SGCD: variants seen among roughly 807,000 people sequenced by gnomAD.
SGCD encodes the protein delta-sarcoglycan.
Under a neutral mutation model 36.6 loss-of-function variants are expected in SGCD, and 18 were observed. The observed-to-expected ratio is 0.49, with a 90% confidence interval of 0.34 to 0.73. SGCD has a LOEUF of 0.73. Among genes scored for constraint, SGCD ranks in the 30% least tolerant of loss-of-function variants. The pLI, the probability that SGCD is intolerant of heterozygous loss-of-function variation, is 0.01. For missense variants in SGCD, 387 were observed against 346.7 expected (o/e 1.12, Z -0.92); for synonymous variants, 133 against 130.6 (o/e 1.02, Z -0.12).
chr5:156,714,719 G>A (rs1212182620), intron 7 of SGCD, among the ~76,000 whole-genome samples: 1 of 152,228 alleles, frequency 6.6e-6, no homozygotes, highest in Non-Finnish European at 1.5e-5. Context: ...TGTTAATCCA[G>A]TGAAATTTAG....
At chr5:156,493,492 T>A (rs1028387947) in intron 3 of SGCD, among the ~76,000 whole-genome samples, 3 of 152,162 alleles carry the variant, frequency 2.0e-5, no homozygotes, top group African/African-American at 7.2e-5. Context: ...GGATTTTTAA[T>A]CTTCACTGTT....
the SGCD span, among the ~76,000 whole-genome samples, chr5:155,862,640 T>G: frequency 6.6e-6 from 1 of 152,332 alleles, no homozygotes; most frequent in South Asian, 2.1e-4. Flanking sequence ...CAGCTTTCAC[T>G]TTATTAACTA....
At chr5:155,833,166 A>G in the SGCD span, among the ~76,000 whole-genome samples, 2 of 151,762 alleles carry the variant, frequency 1.3e-5, no homozygotes, top group Non-Finnish European at 2.9e-5. Context: ...GGAGATGGAG[A>G]TTGCAGTGAG....
chr5:156,450,076 C>A (rs1053945969), intron 3 of SGCD, among the ~76,000 whole-genome samples: 3 of 152,036 alleles, frequency 2.0e-5, no homozygotes, highest in African/African-American at 4.8e-5. Flanking sequence ...CCTTTTGTAA[C>A]CCTTCAAACC....
chr5:156,076,014 A>T (rs1760774877), intron 1 of SGCD, among the ~76,000 whole-genome samples: 1 of 151,996 alleles, frequency 6.6e-6, no homozygotes, highest in Non-Finnish European at 1.5e-5. Flanking sequence ...TGTCCTTTTG[A>T]TGTGAAAAAT....
intron 3 of SGCD, among the ~76,000 whole-genome samples, chr5:156,412,787 CTTT>C (rs35464853): frequency 1.0e-4 from 11 of 105,000 alleles, no homozygotes; most frequent in African/African-American, 1.2e-4. Flanking sequence ...AGGGTTGGTT[CTTT>C]TTTTTTTTTT....
chr5:155,900,270 G>A (rs1449234779), intron 1 of SGCD, among the ~76,000 whole-genome samples: 1 of 152,126 alleles, frequency 6.6e-6, no homozygotes, highest in Non-Finnish European at 1.5e-5. Flanking sequence ...TTAGGATTTT[G>A]TAGACATCCC....
At chr5:156,215,365 G>C in intron 3 of SGCD, among the ~76,000 whole-genome samples, 1 of 152,002 alleles carries the variant, frequency 6.6e-6, no homozygotes. Context: ...CTCATGCACA[G>C]TAAAGGGAAC....
At chr5:156,732,223 T>G (rs1352066123) in intron 7 of SGCD, among the ~76,000 whole-genome samples, 2 of 152,208 alleles carry the variant, frequency 1.3e-5, no homozygotes, top group Non-Finnish European at 2.9e-5. Context: ...TTGTACTGGT[T>G]TTCAAGGGGA....
intron 3 of SGCD, among the ~76,000 whole-genome samples, chr5:156,261,501 C>T (rs1477614502): frequency 1.3e-5 from 2 of 152,178 alleles, no homozygotes; most frequent in Non-Finnish European, 2.9e-5. Flanking sequence ...GTATTACTCA[C>T]GTGCTTGTGG....
chr5:155,861,471 G>C, the SGCD span, among the ~76,000 whole-genome samples: 1 of 151,956 alleles, frequency 6.6e-6, no homozygotes, highest in Admixed American at 6.6e-5. Flanking sequence ...GGGAGGCCGA[G>C]GCGGGCGGAT....
intron 7 of SGCD, among the ~76,000 whole-genome samples, chr5:156,703,683 G>A (rs1211681255): frequency 6.6e-6 from 1 of 152,146 alleles, no homozygotes; most frequent in Non-Finnish European, 1.5e-5. Flanking sequence ...GTTGAACCTT[G>A]AGGATACAGA....
At chr5:156,202,139 G>T (rs1035906665) in intron 3 of SGCD, among the ~76,000 whole-genome samples, 4 of 152,108 alleles carry the variant, frequency 2.6e-5, no homozygotes, top group African/African-American at 9.7e-5. Flanking sequence ...ACCCACAGGG[G>T]GTTCTTTCTT....
intron 2 of SGCD, among the ~76,000 whole-genome samples, chr5:156,123,424 A>G (rs991698072): frequency 3.9e-5 from 6 of 152,114 alleles, no homozygotes; most frequent in African/African-American, 1.4e-4. Flanking sequence ...CAAGAGAGGG[A>G]GGTATTTCAA....
chr5:156,356,599 C>T (rs1363403712), intron 3 of SGCD, among the ~76,000 whole-genome samples: 1 of 152,178 alleles, frequency 6.6e-6, no homozygotes, highest in Non-Finnish European at 1.5e-5. Flanking sequence ...ATATGGGCTC[C>T]ACTTCTTCAT....
chr5:156,331,233 T>G (rs1768054921), intron 2 of SGCD, among the ~76,000 whole-genome samples: 1 of 152,210 alleles, frequency 6.6e-6, no homozygotes, highest in African/African-American at 2.4e-5. Context: ...TCACTTTTCT[T>G]GCCACACAGA....
intron 3 of SGCD, among the ~76,000 whole-genome samples, chr5:156,277,583 G>A (rs1287043133): frequency 6.6e-6 from 1 of 152,156 alleles, no homozygotes; most frequent in Non-Finnish European, 1.5e-5. Context: ...ACAAATGATA[G>A]ATCAGTTTAC....
intron 3 of SGCD, among the ~76,000 whole-genome samples, chr5:156,365,643 CAGA>C (rs986653338): frequency 6.6e-6 from 1 of 152,048 alleles, no homozygotes; most frequent in Non-Finnish European, 1.5e-5. Flanking sequence ...CAGATATACA[CAGA>C]AGTATTTGTG....
At chr5:156,753,596 A>G (rs549744221) in intron 7 of SGCD, among the ~76,000 whole-genome samples, 3 of 152,336 alleles carry the variant, frequency 2.0e-5, no homozygotes, top group South Asian at 4.1e-4. Flanking sequence ...AAGATGTTTA[A>G]TTGATTCACA....
Sources: gnomAD v4.1 joint callset for allele counts (sites outside exome capture counted in the v4.1 genomes callset) on GRCh38, gnomAD v4.1.1 for gene constraint, MANE v1.5 for transcripts, NCBI Gene and HGNC (gene_info 2026-07-23, HGNC 2026-07-21) for gene names.